ACACA: variants seen among roughly 807,000 people sequenced by gnomAD.
The protein encoded by ACACA is acetyl-CoA carboxylase 1.
Under a neutral mutation model 296.1 loss-of-function variants are expected in ACACA, and 103 were observed. That is an observed-to-expected ratio of 0.35 (90% CI 0.30 to 0.41). The LOEUF is 0.41. Ranked by LOEUF, ACACA falls within the 10% of genes least tolerant of loss-of-function variation. The probability of loss-of-function intolerance (pLI) is 1.00; values close to 1 mark genes in which losing one functional copy is unlikely to be tolerated. For synonymous variants in ACACA, 953 were observed against 1,038.6 expected (o/e 0.92, Z 1.58); for missense variants, 1,554 against 2,989.7 (o/e 0.52, Z 11.20).
intron 1 of ACACA, chr17:37,367,553 T>TTA (rs1291514357): frequency 6.6e-6 from 1 of 152,150 alleles, no homozygotes. Context: ...CTTATCTATA[T>TTA]TATATATATC....
intron 3 of ACACA, among the ~76,000 whole-genome samples, chr17:37,305,293 T>C (rs1479388818): frequency 6.6e-6 from 1 of 152,236 alleles, no homozygotes; most frequent in Non-Finnish European, 1.5e-5. Context: ...GGCTTAATCA[T>C]TTGCCTGAGC....
intron 3 of ACACA, among the ~76,000 whole-genome samples, chr17:37,289,880 A>C (rs2082962559): frequency 6.6e-6 from 1 of 152,186 alleles, no homozygotes; most frequent in South Asian, 2.1e-4. Context: ...CTTTCCTCCC[A>C]ATCACACTGG....
Position 37,125,788 on chromosome 17 carries a change from T to C in ACACA, c.5951A>G (p.Lys1984Arg). The C allele has an allele frequency of 1.9e-6, 3 of 1,613,536 alleles. No homozygotes were observed. The highest frequency in any genetic ancestry group is 2.5e-6 in the Non-Finnish European group (3 of 1,179,624). ...MLAGRPHPTQ[K>R]GQWLSGFFDY... Reference sequence around the variant, plus strand: ...AAAAAAGCCACTCAACCACTGACCTTTTTGGGCTACAGAAGGGAAAGAAAG... The same window carrying C: ...AAAAAAGCCACTCAACCACTGACCTCTTTGGGCTACAGAAGGGAAAGAAAG... The change falls in exon 48 of 56, where the codon AAA becomes AGA. Residue 1984 changes from lysine (K) to arginine (R), a missense_variant. Transcript: ENST00000616317.
At chr17:37,260,030 C>T (rs936720151) in intron 11 of ACACA, among the ~76,000 whole-genome samples, 18 of 150,644 alleles carry the variant, frequency 1.2e-4, no homozygotes, top group African/African-American at 3.9e-4. Flanking sequence ...TACAGGCATG[C>T]GCCACCATGC....
intron 29 of ACACA, among the ~76,000 whole-genome samples, chr17:37,216,032 C>G (rs2078965474): frequency 6.7e-6 from 1 of 150,204 alleles, no homozygotes; most frequent in Non-Finnish European, 1.5e-5. Context: ...TTCAAGAACA[C>G]AAGTCAGTTA....
At chr17:37,124,828 C>A (rs1490266164) in intron 48 of ACACA, among the ~76,000 whole-genome samples, 2 of 152,178 alleles carry the variant, frequency 1.3e-5, no homozygotes, top group Non-Finnish European at 2.9e-5. Flanking sequence ...GGCGTGCTGA[C>A]CTGCTGTACT....
intron 3 of ACACA, among the ~76,000 whole-genome samples, chr17:37,304,562 A>G (rs1449566270): frequency 6.6e-6 from 1 of 152,158 alleles, no homozygotes; most frequent in Admixed American, 6.5e-5. Context: ...TGGAAGGTAG[A>G]GGCGGGCAAT....
In ACACA at chr17:37,295,820, G is replaced by A. The variant is rs1003520511; in HGVS notation, c.339-10850C>T. Among the ~76,000 whole-genome samples the A allele has an allele frequency of 3.3e-5, 5 of 152,202 alleles. No individual in the cohort carries two copies. In the East Asian group the frequency reaches 9.7e-4, roughly 29 times the overall value. On this transcript the variant is annotated intron_variant, in intron 3 of 55. Transcript: ENST00000616317. ...GGCACCTATAGTCCCAGCTACTCGG[G>A]AGGCTGAGGCATGAGAATTGCTTGA...
chr17:37,308,806 G>A (rs188763299), intron 3 of ACACA, among the ~76,000 whole-genome samples: 1 of 152,134 alleles, frequency 6.6e-6, no homozygotes, highest in East Asian at 1.9e-4. Flanking sequence ...GCTTAGTGGT[G>A]CACGCCTGTA....
intron 39 of ACACA, 67 bp from the exon 40 acceptor site, chr17:37,181,423 GC>G (rs1385546410): frequency 3.2e-5 from 49 of 1,554,832 alleles, no homozygotes; most frequent in Non-Finnish European, 3.9e-5. Context: ...GCCTAGAGGG[GC>G]TTTTTTTGCA....
intron 1 of ACACA, among the ~76,000 whole-genome samples, chr17:37,402,468 G>A (rs712038): frequency 0.2 from 30,535 of 152,076 alleles, 3,485 homozygotes; most frequent in East Asian, 0.54. Flanking sequence ...TAAAAAGAAT[G>A]ACAATATAAA....
chr17:37,186,839 C>G (rs1345748075), intron 39 of ACACA, among the ~76,000 whole-genome samples: 1 of 151,840 alleles, frequency 6.6e-6, no homozygotes, highest in Non-Finnish European at 1.5e-5. Flanking sequence ...CTTTCACACT[C>G]CTGTGTCACC....
chr17:37,213,518 C>T (rs888100163), intron 29 of ACACA, among the ~76,000 whole-genome samples: 1 of 152,044 alleles, frequency 6.6e-6, no homozygotes, highest in African/African-American at 2.4e-5. Flanking sequence ...ATATTAGAAC[C>T]ACTTTCTTTC....
chr17:37,380,281 G>A (rs1186822364), intron 1 of ACACA, among the ~76,000 whole-genome samples: 1 of 121,074 alleles, frequency 8.3e-6, no homozygotes, highest in African/African-American at 3.2e-5. Context: ...GTTGTGGGGT[G>A]GGGGGAGGGG....
chr17:37,232,864 A>ATCC lies in ACACA; in HGVS notation c.3246+2108_3246+2110dup, dbSNP rs369902920. Among the ~76,000 whole-genome samples, 1,013 of 150,912 alleles carry ATCC rather than the reference A, an allele frequency of 6.7e-3. 10 individuals are homozygous for ATCC. The highest frequency in any genetic ancestry group is 0.023 in the African/African-American group (957 of 41,134). On this transcript the variant is annotated intron_variant, in intron 25 of 55. Coordinates refer to ENST00000616317, the MANE Select transcript of ACACA (RefSeq NM_198834.3). ...CTGGTTCACATGTTCAACCGTCCTT[A>ATCC]TCCTCCTCCTCCTCCTCCTCCTCTT...
intron 42 of ACACA, chr17:37,161,558 A>G (rs980269466): frequency 3.3e-6 from 2 of 605,754 alleles, no homozygotes; most frequent in South Asian, 2.2e-5. Context: ...CCAAAGAAAC[A>G]GCAACCTGTT....
intron 43 of ACACA, among the ~76,000 whole-genome samples, chr17:37,155,380 G>A (rs904991066): frequency 6.6e-6 from 1 of 152,106 alleles, no homozygotes; most frequent in Admixed American, 6.5e-5. Context: ...GACAGCAAGT[G>A]TATAACATAA....
intron 33 of ACACA, among the ~76,000 whole-genome samples, chr17:37,201,995 A>T (rs2078270081): frequency 6.6e-6 from 1 of 152,220 alleles, no homozygotes; most frequent in Non-Finnish European, 1.5e-5. Context: ...TTATCAGGCC[A>T]AATATAAATA....
intron 1 of ACACA, among the ~76,000 whole-genome samples, chr17:37,354,291 G>A (rs914573262): frequency 6.6e-5 from 10 of 152,226 alleles, no homozygotes; most frequent in East Asian, 1.9e-4. Flanking sequence ...CAACATCATC[G>A]AAAGGCAAGA....
Sources: gnomAD v4.1 joint callset for allele counts (sites outside exome capture counted in the v4.1 genomes callset) on GRCh38, gnomAD v4.1.1 for gene constraint, MANE v1.5 for transcripts, NCBI Gene and HGNC (gene_info 2026-07-23, HGNC 2026-07-21) for gene names.